Variants in LRRIQ1 observed in about 807,000 individuals in gnomAD.
LRRIQ1 encodes the protein leucine-rich repeat- and IQ domain-containing protein 1.
Under a neutral mutation model 211.9 loss-of-function variants are expected in LRRIQ1, and 210 were observed. The ratio of observed to expected loss-of-function variants is 0.99; its 90% CI spans 0.89 to 1.11. LRRIQ1 has a LOEUF of 1.11. LRRIQ1 is among the 50% of genes most tolerant of loss of function. The pLI, the probability that LRRIQ1 is intolerant of heterozygous loss-of-function variation, is 0.00. For synonymous variants in LRRIQ1, 699 were observed against 650.1 expected (o/e 1.08, Z -1.14); for missense variants, 2,136 against 1,939.5 (o/e 1.10, Z -1.90).
In LRRIQ1 at chr12:85,229,633, T is replaced by C. The variant is rs1365465057; in HGVS notation, c.4939T>C (p.Ser1647Pro). The C allele has an allele frequency of 6.2e-7, 1 of 1,611,522 alleles. No homozygotes were observed. Residue 1647 changes from serine to proline, a missense_variant, in exon 25 of 27, where the codon TCC (serine) becomes CCC (proline). Coordinates refer to ENST00000393217, the MANE Select transcript of LRRIQ1 (RefSeq NM_001079910.2). The part of the protein sequence containing the change: ...TQVGVHETTS[S>P]RNMKCNHFLP... ...GGTTGGGGTTCATGAAACGACTAGTTCCAGAAATATGAAATGGTGAGGTCA... is the reference window on the plus strand; with the variant it reads ...GGTTGGGGTTCATGAAACGACTAGTCCCAGAAATATGAAATGGTGAGGTCA...
rs745593013 is a variant in LRRIQ1, at chr12:85,124,206, A to T, written c.3694A>T (p.Lys1232Ter). The change falls in exon 17 of 27, where the codon AAA becomes TAA. Residue 1232 changes from lysine (K) to a stop codon, truncating the protein, a stop_gained. Transcript: ENST00000393217. LOFTEE classifies it high-confidence loss of function. The part of the protein sequence containing the change: ...ITKKDESEAQ[K>*]NHLAPTNSDS... Reference sequence around the variant, plus strand: ...CAAGAAAGATGAATCAGAAGCCCAGAAAAATCATTTGGCCCCTACAAACAG... The same window carrying T: ...CAAGAAAGATGAATCAGAAGCCCAGTAAAATCATTTGGCCCCTACAAACAG... 1.9e-6 allele frequency: 3 copies of T among 1,614,178 alleles called. No homozygotes were observed. In the Admixed American group the frequency reaches 5.0e-5, roughly 27 times the overall value.
At chr12:85,091,995 C>T (rs1226573520) in intron 11 of LRRIQ1, among the ~76,000 whole-genome samples, 1 of 152,124 alleles carries the variant, frequency 6.6e-6, no homozygotes, top group Non-Finnish European at 1.5e-5. Flanking sequence ...CTGAGCTCCA[C>T]CACCTGTCAG....
chr12:85,264,380 G>C (rs1896379786), exon 2 of LRRIQ1: 2 of 151,938 alleles, frequency 1.3e-5, no homozygotes, highest in Non-Finnish European at 2.9e-5. Context: ...TATTAACTTT[G>C]AGGATGATGA....
intron 24 of LRRIQ1, among the ~76,000 whole-genome samples, chr12:85,187,535 G>A (rs761827380): frequency 1.4e-4 from 21 of 152,114 alleles, no homozygotes; most frequent in Non-Finnish European, 1.9e-4. Context: ...AGCCGGGCGC[G>A]GTGGTTCACG....
intron 24 of LRRIQ1, among the ~76,000 whole-genome samples, chr12:85,199,452 G>A (rs184993446): frequency 6.6e-6 from 1 of 151,936 alleles, no homozygotes; most frequent in Admixed American, 6.6e-5. Flanking sequence ...TCTCTATTTG[G>A]CCCCATTGGT....
chr12:85,179,725 C>T (rs575547545), intron 24 of LRRIQ1, among the ~76,000 whole-genome samples: 8 of 152,050 alleles, frequency 5.3e-5, no homozygotes, highest in Admixed American at 1.3e-4. Flanking sequence ...CATCACCTTT[C>T]CATCCGACAC....
intron 25 of LRRIQ1, 119 bp from the exon 26 acceptor site, chr12:85,232,577 A>C (rs1231069722): frequency 1.1e-5 from 8 of 737,258 alleles, no homozygotes; most frequent in Non-Finnish European, 1.8e-5. Context: ...ATTTAAGAAA[A>C]CTGTTGTTTC....
chr12:85,108,350 A>G (rs1309897661), intron 15 of LRRIQ1, among the ~76,000 whole-genome samples: 3 of 151,874 alleles, frequency 2.0e-5, no homozygotes, highest in African/African-American at 7.3e-5. Flanking sequence ...CTGGTCTCGA[A>G]CTCCTGGGCT....
Position 85,124,397 on chromosome 12 carries a change from A to G in LRRIQ1, c.3885A>G (p.Val1295=). The part of the protein sequence containing the change: ...NMEGRHQEIL[V]CQKREDSKAS... ...AAGGAAGACATCAGGAAATATTAGTATGTCAGAAGAGAGAAGACAGCAAGG... is the reference window on the plus strand; with the variant it reads ...AAGGAAGACATCAGGAAATATTAGTGTGTCAGAAGAGAGAAGACAGCAAGG... Residue 1295 remains valine (V), a synonymous_variant, in exon 17 of 27, where the codon GTA becomes GTG. Transcript: ENST00000393217. The G allele has an allele frequency of 6.2e-7, 1 of 1,614,116 alleles. No individual in the cohort carries two copies. The highest frequency in any genetic ancestry group is 1.1e-5 in the South Asian group (1 of 91,084).
chr12:85,036,420 C>G lies in LRRIQ1; in HGVS notation c.-25+13C>G, dbSNP rs1279905882. On this transcript the variant is annotated intron_variant, in intron 1 of 26. Coordinates refer to ENST00000393217, the MANE Select transcript of LRRIQ1 (RefSeq NM_001079910.2). Reference sequence around the variant, plus strand: ...TCGCTGCTGAGGGGTGAGCCGGGGTCTTAAGACTGGGATTCCCGTTGAGGG... The same window carrying G: ...TCGCTGCTGAGGGGTGAGCCGGGGTGTTAAGACTGGGATTCCCGTTGAGGG... 2.6e-5 allele frequency: 4 copies of G among 152,260 alleles called. No homozygotes were observed. The highest frequency in any genetic ancestry group is 4.8e-5 in the African/African-American group (2 of 41,422). The allele number at this position is 152,260 out of a possible 1,614,324, so 9.4% of individuals were successfully genotyped here.
chr12:85,254,341 A>G lies in LRRIQ1; in HGVS notation c.122-8574A>G, dbSNP rs117445628. On this transcript the variant is annotated intron_variant, in intron 1 of 1. Transcript: ENST00000602731. ...TCTGCTTTGAAAAAAGTTTTTCCAAAGCTCCATGATGTTTAACTAGCATTT... is the reference window on the plus strand; with the variant it reads ...TCTGCTTTGAAAAAAGTTTTTCCAAGGCTCCATGATGTTTAACTAGCATTT... Among the ~76,000 whole-genome samples the G allele has an allele frequency of 1.6e-3, 239 of 152,234 alleles. 3 individuals are homozygous for G. The highest frequency in any genetic ancestry group is 2.9e-3 in the Non-Finnish European group (200 of 67,994).
chr12:85,042,649 T>G (rs1879036120), intron 3 of LRRIQ1, among the ~76,000 whole-genome samples: 1 of 150,966 alleles, frequency 6.6e-6, no homozygotes, highest in Non-Finnish European at 1.5e-5. Context: ...TTACATTATT[T>G]GTTACACGGG....
At chr12:85,079,222 T>C (rs1401319563) in intron 11 of LRRIQ1, among the ~76,000 whole-genome samples, 2 of 151,522 alleles carry the variant, frequency 1.3e-5, no homozygotes, top group Non-Finnish European at 1.5e-5. Context: ...ACTAGTTTAG[T>C]GTTCACATGA....
chr12:85,169,783 C>T (rs1891322455), intron 24 of LRRIQ1, among the ~76,000 whole-genome samples: 1 of 152,066 alleles, frequency 6.6e-6, no homozygotes, highest in African/African-American at 2.4e-5. Flanking sequence ...AAACTGCTTA[C>T]TTATATATTG....
chr12:85,049,155 T>C (rs895810054), intron 6 of LRRIQ1, among the ~76,000 whole-genome samples: 1 of 152,208 alleles, frequency 6.6e-6, no homozygotes, highest in Admixed American at 6.5e-5. Context: ...ATATTTTGTA[T>C]GATTGACTCT....
intron 24 of LRRIQ1, among the ~76,000 whole-genome samples, chr12:85,216,577 T>C (rs887297366): frequency 6.6e-6 from 1 of 151,410 alleles, no homozygotes; most frequent in African/African-American, 2.4e-5. Flanking sequence ...ATATGTAAAA[T>C]TTTGTGTATG....
chr12:85,172,278 T>G (rs942036002), intron 24 of LRRIQ1, among the ~76,000 whole-genome samples: 5 of 152,210 alleles, frequency 3.3e-5, no homozygotes, highest in African/African-American at 1.2e-4. Flanking sequence ...TAGGACACTC[T>G]GTATTTCTGG....
intron 24 of LRRIQ1, among the ~76,000 whole-genome samples, chr12:85,198,134 A>G (rs1171385185): frequency 5.5e-4 from 68 of 122,576 alleles, no homozygotes; most frequent in Non-Finnish European, 7.7e-4. Context: ...TATATATTAT[A>G]TATAATATAT....
rs752222166 is a variant in LRRIQ1 at position 85,044,829 on chromosome 12, CTT to C, written c.336+21_336+22del. ...ATTAAGGTATATATTCAATATTTGA[CTT>C]AAAATATTCACTATTACAATTAGAA... On this transcript the variant is annotated intron_variant, in intron 4 of 26. Coordinates refer to ENST00000393217, the MANE Select transcript of LRRIQ1 (RefSeq NM_001079910.2). 5.9e-5 allele frequency: 67 copies of C among 1,131,584 alleles called. No individual in the cohort carries two copies. The highest frequency in any genetic ancestry group is 8.1e-5 in the Non-Finnish European group (63 of 774,976). 70.1% of individuals were successfully genotyped at this position (1,131,584 alleles called of 1,614,324 possible).
Sources: allele counts gnomAD v4.1 joint callset (sites outside exome capture counted in the v4.1 genomes callset), GRCh38; gene constraint gnomAD v4.1.1; transcripts MANE v1.5; gene names NCBI Gene and HGNC (gene_info 2026-07-23, HGNC 2026-07-21).